Variants in PRH1 observed in about 807,000 individuals in gnomAD.
PRH1 encodes the protein salivary acidic proline-rich phosphoprotein 1/2.
PRH1 carries 7 observed loss-of-function variants against 7.9 expected under a neutral mutation model. The observed-to-expected ratio is 0.89, with a 90% confidence interval of 0.50 to 1.67. The LOEUF is 1.67. Ranked by LOEUF, PRH1 falls within the 40% of genes most tolerant of loss-of-function variation. The pLI is 0.00. For synonymous variants in PRH1, 45 were observed against 80.8 expected (o/e 0.56, Z 2.38); for missense variants, 109 against 223.6 (o/e 0.49, Z 3.27).
At chr12:10,950,309 T>C (rs1666113176) in intron 2 of PRH1, among the ~76,000 whole-genome samples, 1 of 152,140 alleles carries the variant, frequency 6.6e-6, no homozygotes, top group Non-Finnish European at 1.5e-5. Context: ...CCAAAGGAAT[T>C]CTTTCAATTG....
At chr12:11,037,724 C>T (rs1488618213) in intron 1 of PRH1, among the ~76,000 whole-genome samples, 2 of 152,218 alleles carry the variant, frequency 1.3e-5, no homozygotes, top group Non-Finnish European at 2.9e-5. Flanking sequence ...TTGCTTATCT[C>T]TCCTTTTTTA....
chr12:11,022,359 A>C (rs758318719), intron 1 of PRH1: 23 of 1,614,146 alleles, frequency 1.4e-5, no homozygotes, highest in Non-Finnish European at 1.9e-5. Context: ...AAGCAGAATT[A>C]AACACAGTTG....
chr12:11,083,444 A>G (rs905537226), intron 1 of PRH1, among the ~76,000 whole-genome samples: 3 of 152,256 alleles, frequency 2.0e-5, no homozygotes, highest in Non-Finnish European at 2.9e-5. Flanking sequence ...AATGATGTCT[A>G]TAAGAATATG....
intron 1 of PRH1, among the ~76,000 whole-genome samples, chr12:11,146,270 G>GC (rs1565701755): frequency 6.6e-6 from 1 of 151,232 alleles, no homozygotes; most frequent in African/African-American, 2.4e-5. Context: ...CTTCTAGGTA[G>GC]TTTTTTTACT....
intron 1 of PRH1, among the ~76,000 whole-genome samples, chr12:11,160,309 TTAA>T (rs1479737780): frequency 2.6e-5 from 4 of 152,150 alleles, no homozygotes; most frequent in African/African-American, 9.7e-5. Context: ...CCTAAAACTA[TTAA>T]TATAAATAAT....
chr12:11,097,060 AGTGCTGGGATTACAGGCGTGAGCCACCGC>A, intron 1 of PRH1: 1 of 127,722 alleles, frequency 7.8e-6, no homozygotes, highest in South Asian at 1.2e-4. Flanking sequence ...GGCCTCCCAA[AGTGCTGGGATTACAGGCGTGAGCCACCGC>A]GCCTGCCCTA....
chr12:11,030,696 T>C (rs1171865131), intron 1 of PRH1: 2 of 1,614,030 alleles, frequency 1.2e-6, no homozygotes, highest in African/African-American at 2.7e-5. Context: ...TGAGATCCTT[T>C]ACCATGGAGC....
intron 1 of PRH1, chr12:11,022,482 T>C (rs1240394823): frequency 2.6e-6 from 4 of 1,551,112 alleles, no homozygotes; most frequent in Non-Finnish European, 3.5e-6. Flanking sequence ...CAATGACATT[T>C]ACTAGGGCTA....
intron 2 of PRH1, among the ~76,000 whole-genome samples, chr12:10,958,640 A>C (rs1938092292): frequency 6.6e-6 from 1 of 152,334 alleles, no homozygotes. Flanking sequence ...CAATGATTCA[A>C]TGATATCTGA....
chr12:10,999,199 C>A (rs1940458433), intron 1 of PRH1, among the ~76,000 whole-genome samples: 1 of 152,130 alleles, frequency 6.6e-6, no homozygotes, highest in Admixed American at 6.6e-5. Context: ...AGGTACTCTG[C>A]TAATCCAAGA....
chr12:11,056,515 C>G (rs1441011058), intron 1 of PRH1, among the ~76,000 whole-genome samples: 1 of 152,136 alleles, frequency 6.6e-6, no homozygotes, highest in Non-Finnish European at 1.5e-5. Flanking sequence ...CTACTCCCTG[C>G]CTCAGTATTA....
chr12:11,125,647 G>A (rs2136337938), intron 1 of PRH1, among the ~76,000 whole-genome samples: 1 of 152,380 alleles, frequency 6.6e-6, no homozygotes, highest in Non-Finnish European at 1.5e-5. Flanking sequence ...AAAAATATGT[G>A]TATTATTATT....
At chr12:11,168,299 AG>A (rs1947679684) in intron 1 of PRH1, among the ~76,000 whole-genome samples, 140 of 5,886 alleles carry the variant, frequency 0.024, 24 homozygotes, top group Middle Eastern at 0.071. Context: ...AAAGAAAGAA[AG>A]AAGGAAGGAA....
intron 1 of PRH1, among the ~76,000 whole-genome samples, chr12:11,036,263 A>G (rs376626391): frequency 6.6e-6 from 1 of 152,348 alleles, no homozygotes; most frequent in East Asian, 1.9e-4. Context: ...AAATAGTAAA[A>G]CAGTACTTAC....
Position 11,031,079 on chromosome 12 carries a change from T to C in PRH1, c.-126+15941A>G, listed in dbSNP as rs1390488116. 4 of 1,614,292 alleles carry C rather than the reference T, an allele frequency of 2.5e-6. No individual in the cohort carries two copies. Among genetic ancestry groups the C allele is most frequent in the Admixed American group, 3.3e-5 (2 of 60,038 alleles). On this transcript the variant is annotated intron_variant, in intron 1 of 3. Coordinates refer to the PRH1 transcript ENST00000539853. ...GAAATGGCCGGTTACTGCCCAGACA[T>C]TATAAGCAGTAGTTCTTACTTCTAC...
intron 1 of PRH1, among the ~76,000 whole-genome samples, chr12:11,170,268 C>T (rs1360144126): frequency 6.6e-6 from 1 of 152,150 alleles, no homozygotes; most frequent in Non-Finnish European, 1.5e-5. Context: ...AAGTACAGGC[C>T]GGGCGCTGTG....
intron 1 of PRH1, chr12:10,973,726 G>C: frequency 1.3e-6 from 1 of 779,432 alleles, no homozygotes; most frequent in Non-Finnish European, 2.4e-6. Flanking sequence ...CAGCAGCTAG[G>C]ATAAGATAAA....
chr12:10,885,395 CT>C (rs893244373), upstream of PRH1, among the ~76,000 whole-genome samples: 4 of 151,704 alleles, frequency 2.6e-5, no homozygotes, highest in South Asian at 4.2e-4. Context: ...CGTCCTATAT[CT>C]TTTTTTTTCT....
At chr12:10,904,939 T>C (rs534154499) in intron 2 of PRH1, among the ~76,000 whole-genome samples, 31 of 151,378 alleles carry the variant, frequency 2.0e-4, no homozygotes, top group Non-Finnish European at 3.5e-4. Flanking sequence ...ACATCACTAA[T>C]CATTAGAGAC....
Sources: allele counts gnomAD v4.1 joint callset (sites outside exome capture counted in the v4.1 genomes callset), GRCh38; gene constraint gnomAD v4.1.1; transcripts MANE v1.5; gene names NCBI Gene and HGNC (gene_info 2026-07-23, HGNC 2026-07-21).